The following KCND3 variants were observed in gnomAD, a reference collection of about 807,000 sequenced individuals.
KCND3 encodes potassium voltage-gated channel subfamily D member 3, also known as A-type voltage-gated potassium channel KCND3.
In KCND3, 9 loss-of-function variants were observed where a neutral mutation model predicts 51.1. The ratio of observed to expected loss-of-function variants is 0.18; its 90% CI spans 0.11 to 0.31. The LOEUF is 0.31. Ranked by LOEUF, KCND3 falls within the 10% of genes least tolerant of loss-of-function variation. The probability of loss-of-function intolerance (pLI) is 1.00; values close to 1 mark genes in which losing one functional copy is unlikely to be tolerated. For synonymous variants in KCND3, 349 were observed against 368.0 expected (o/e 0.95, Z 0.59); for missense variants, 526 against 903.8 (o/e 0.58, Z 5.36).
intron 2 of KCND3, among the ~76,000 whole-genome samples, chr1:111,978,813 T>C (rs1017840380): frequency 6.6e-6 from 1 of 152,066 alleles, no homozygotes. Context: ...GTCAAGCAAA[T>C]GGAAGAGGCA....
chr1:111,823,867 G>A (rs1370965690), intron 2 of KCND3, among the ~76,000 whole-genome samples: 1 of 152,080 alleles, frequency 6.6e-6, no homozygotes, highest in Non-Finnish European at 1.5e-5. Context: ...CTATAATCAG[G>A]AAGCATCTAA....
intron 2 of KCND3, among the ~76,000 whole-genome samples, chr1:111,885,344 G>C (rs1669521047): frequency 6.6e-6 from 1 of 152,134 alleles, no homozygotes; most frequent in Admixed American, 6.5e-5. Flanking sequence ...GACAATGATG[G>C]CATGCTTATC....
At chr1:111,914,915 T>C (rs1192114662) in intron 2 of KCND3, among the ~76,000 whole-genome samples, 1 of 152,220 alleles carries the variant, frequency 6.6e-6, no homozygotes, top group Admixed American at 6.5e-5. Flanking sequence ...GTTAACTGTT[T>C]AGAACAAAAA....
intron 2 of KCND3, among the ~76,000 whole-genome samples, chr1:111,797,976 G>C (rs1023284125): frequency 5.9e-5 from 9 of 152,256 alleles, no homozygotes; most frequent in Admixed American, 5.9e-4. Context: ...ATCAGTCCAG[G>C]CAGGAAAGGC....
intron 2 of KCND3, among the ~76,000 whole-genome samples, chr1:111,794,485 A>T (rs1042909114): frequency 1.3e-5 from 2 of 152,178 alleles, no homozygotes; most frequent in African/African-American, 4.8e-5. Context: ...TGCAAGGATG[A>T]TGTCTCAGCC....
At chr1:111,943,777 T>C (rs1206608346) in intron 2 of KCND3, among the ~76,000 whole-genome samples, 1 of 152,148 alleles carries the variant, frequency 6.6e-6, no homozygotes, top group East Asian at 1.9e-4. Context: ...TTCTGCCCCA[T>C]GAAGCAGGCA....
intron 2 of KCND3, among the ~76,000 whole-genome samples, chr1:111,911,835 C>T (rs1670962885): frequency 6.6e-6 from 1 of 152,194 alleles, no homozygotes. Context: ...CGATACAGGA[C>T]TATGATCCTT....
At chr1:111,805,091 G>A (rs945104259) in intron 2 of KCND3, among the ~76,000 whole-genome samples, 5 of 152,232 alleles carry the variant, frequency 3.3e-5, no homozygotes, top group Non-Finnish European at 7.3e-5. Flanking sequence ...ACAAAGCAGA[G>A]CCAGGTGGCA....
At chr1:111,822,639 T>C (rs1342427027) in intron 2 of KCND3, among the ~76,000 whole-genome samples, 1 of 152,244 alleles carries the variant, frequency 6.6e-6, no homozygotes, top group African/African-American at 2.4e-5. Context: ...TCCCACCTTT[T>C]GGCTACTGTG....
intron 2 of KCND3, among the ~76,000 whole-genome samples, chr1:111,874,779 C>A (rs1229343743): frequency 6.6e-6 from 1 of 152,148 alleles, no homozygotes; most frequent in African/African-American, 2.4e-5. Flanking sequence ...GTACACAGCT[C>A]TCAGCCTGGC....
chr1:111,825,970 T>C lies in KCND3; in HGVS notation c.1107-38864A>G, dbSNP rs55664482. Reference sequence around the variant, plus strand: ...CTATTTTGCTGCACCCTCACCAGCATTGGGTAGGGTACTCACTAAAAATCA... The same window carrying C: ...CTATTTTGCTGCACCCTCACCAGCACTGGGTAGGGTACTCACTAAAAATCA... On this transcript the variant is annotated intron_variant, in intron 2 of 7. Coordinates refer to ENST00000302127, the MANE Select transcript of KCND3 (RefSeq NM_001378969.1). Among the ~76,000 whole-genome samples the C allele has an allele frequency of 3.4e-3, 515 of 152,268 alleles. 2 individuals are homozygous for C. The highest frequency in any genetic ancestry group is 0.011 in the African/African-American group (476 of 41,566).
At chr1:111,838,705 T>A (rs78953431) in intron 2 of KCND3, among the ~76,000 whole-genome samples, 6,863 of 151,566 alleles carry the variant, frequency 0.045, 412 homozygotes, top group East Asian at 0.13. Context: ...AACAACAACA[T>A]CAACAAAAGC....
At chr1:111,906,084 C>T (rs896707125) in intron 2 of KCND3, among the ~76,000 whole-genome samples, 4 of 152,182 alleles carry the variant, frequency 2.6e-5, no homozygotes, top group African/African-American at 9.7e-5. Flanking sequence ...GGCTGTGAGC[C>T]CCAGAGTAGC....
chr1:111,946,477 A>AG (rs1672783876), intron 2 of KCND3, among the ~76,000 whole-genome samples: 4 of 152,286 alleles, frequency 2.6e-5, no homozygotes, highest in Admixed American at 2.6e-4. Context: ...TGAGTCCTTC[A>AG]TGCCCTCCTT....
chr1:111,802,537 T>C (rs1013412687), intron 2 of KCND3, among the ~76,000 whole-genome samples: 1 of 152,186 alleles, frequency 6.6e-6, no homozygotes, highest in Non-Finnish European at 1.5e-5. Context: ...AGCTGTAAAA[T>C]TGAGAATAAT....
chr1:111,842,342 T>G (rs1000662640), intron 2 of KCND3, among the ~76,000 whole-genome samples: 2 of 152,172 alleles, frequency 1.3e-5, no homozygotes, highest in African/African-American at 2.4e-5. Context: ...TCATTCCATT[T>G]TAGCATCCCT....
chr1:111,845,196 A>G (rs1306725338), intron 2 of KCND3, among the ~76,000 whole-genome samples: 3 of 152,128 alleles, frequency 2.0e-5, no homozygotes, highest in Non-Finnish European at 4.4e-5. Flanking sequence ...TGCAGCATCT[A>G]ACACTTGAAA....
chr1:111,859,417 G>A (rs1668234590), intron 2 of KCND3, among the ~76,000 whole-genome samples: 1 of 152,202 alleles, frequency 6.6e-6, no homozygotes, highest in African/African-American at 2.4e-5. Flanking sequence ...ACTTCACAAA[G>A]CCCTGCAAGT....
intron 2 of KCND3, among the ~76,000 whole-genome samples, chr1:111,805,167 C>T (rs548111488): frequency 1.3e-5 from 2 of 152,282 alleles, no homozygotes; most frequent in Non-Finnish European, 2.9e-5. Context: ...TGTCACAGGG[C>T]CCCTTTAAAA....
Sources: allele counts gnomAD v4.1 joint callset (sites outside exome capture counted in the v4.1 genomes callset), GRCh38; gene constraint gnomAD v4.1.1; transcripts MANE v1.5; gene names NCBI Gene and HGNC (gene_info 2026-07-23, HGNC 2026-07-21).